Variants in KCNJ6 observed in about 807,000 individuals in gnomAD.
The protein encoded by KCNJ6 is potassium inwardly rectifying channel subfamily J member 6.
KCNJ6 carries 9 observed loss-of-function variants against 34.2 expected under a neutral mutation model. The observed-to-expected ratio is 0.26, with a 90% CI of 0.16 to 0.46. The LOEUF (loss-of-function observed/expected upper bound fraction) is 0.46, where lower values mean the gene tolerates loss of function less well. KCNJ6 is among the 20% of genes least tolerant of loss of function. The pLI, the probability that KCNJ6 is intolerant of heterozygous loss-of-function variation, is 1.00. For missense variants in KCNJ6, 236 were observed against 531.3 expected (o/e 0.44, Z 5.46); for synonymous variants, 196 against 207.1 (o/e 0.95, Z 0.46).
At chr21:37,682,362 C>T (rs955583807) in intron 3 of KCNJ6, among the ~76,000 whole-genome samples, 25 of 152,156 alleles carry the variant, frequency 1.6e-4, no homozygotes, top group African/African-American at 4.8e-4. Flanking sequence ...GCCGAGCCAG[C>T]AGGGTCAAAG....
intron 3 of KCNJ6, among the ~76,000 whole-genome samples, chr21:37,645,829 T>C (rs1400148306): frequency 6.6e-6 from 1 of 152,148 alleles, no homozygotes; most frequent in Non-Finnish European, 1.5e-5. Flanking sequence ...ATTTTTACTA[T>C]TAGAGCTGTC....
chr21:37,817,679 T>A (rs1002436086), intron 2 of KCNJ6, among the ~76,000 whole-genome samples: 1 of 152,210 alleles, frequency 6.6e-6, no homozygotes, highest in African/African-American at 2.4e-5. Context: ...AGCACCCTCA[T>A]CCTGGTTCAG....
intron 3 of KCNJ6, among the ~76,000 whole-genome samples, chr21:37,681,412 C>T (rs775698760): frequency 3.9e-5 from 6 of 152,236 alleles, no homozygotes; most frequent in Non-Finnish European, 8.8e-5. Flanking sequence ...ATGTGCTCTT[C>T]TCTTTTTCTT....
At chr21:37,803,878 T>C (rs1359215738) in intron 2 of KCNJ6, among the ~76,000 whole-genome samples, 1 of 152,168 alleles carries the variant, frequency 6.6e-6, no homozygotes, top group African/African-American at 2.4e-5. Flanking sequence ...CCAGGGACAC[T>C]GGATAGAGGG....
chr21:37,895,709 A>G (rs2836041), intron 1 of KCNJ6, among the ~76,000 whole-genome samples: 24,998 of 152,188 alleles, frequency 0.16, 2,691 homozygotes, highest in East Asian at 0.57. Flanking sequence ...AAGGTACCCC[A>G]ATCAGGGAGG....
chr21:37,753,218 G>A lies in KCNJ6; in HGVS notation c.26-38087C>T, dbSNP rs2055005465. 2.0e-5 allele frequency among the ~76,000 whole-genome samples: 3 copies of A among 152,202 alleles called. No homozygotes were observed. In the South Asian group the frequency reaches 6.2e-4, roughly 32 times the overall value. On this transcript the variant is annotated intron_variant, in intron 2 of 3. Transcript: ENST00000609713. ...CTGCAGGGGTTTCTGGATGCCTAGA[G>A]TGACCAGAAGCACGGATTGAACCTG...
intron 3 of KCNJ6, among the ~76,000 whole-genome samples, chr21:37,711,055 G>C (rs1428650209): frequency 6.6e-6 from 1 of 152,220 alleles, no homozygotes. Flanking sequence ...GTTCTGCGTG[G>C]GCATGGGTCT....
At chr21:37,671,836 C>T (rs113406620) in intron 3 of KCNJ6, among the ~76,000 whole-genome samples, 23 of 152,290 alleles carry the variant, frequency 1.5e-4, no homozygotes, top group African/African-American at 4.8e-4. Context: ...GAGTATAGTA[C>T]GAGATGCGGA....
chr21:37,766,992 T>C (rs1419377066), intron 2 of KCNJ6, among the ~76,000 whole-genome samples: 1 of 152,212 alleles, frequency 6.6e-6, no homozygotes, highest in East Asian at 1.9e-4. Context: ...TCCCCTGATC[T>C]GTGGAAAAAT....
At chr21:37,671,053 A>G (rs1459696253) in intron 3 of KCNJ6, among the ~76,000 whole-genome samples, 1 of 152,194 alleles carries the variant, frequency 6.6e-6, no homozygotes, top group Admixed American at 6.5e-5. Context: ...CCTGATACAT[A>G]GCTCCTAAAA....
intron 3 of KCNJ6, among the ~76,000 whole-genome samples, chr21:37,690,387 CTT>C (rs553986937): frequency 2.0e-4 from 31 of 152,330 alleles, no homozygotes; most frequent in African/African-American, 7.0e-4. Flanking sequence ...TACCATAAGA[CTT>C]GCAATAAACT....
At chr21:37,651,522 G>C (rs1042936799) in intron 3 of KCNJ6, among the ~76,000 whole-genome samples, 1 of 152,178 alleles carries the variant, frequency 6.6e-6, no homozygotes, top group Non-Finnish European at 1.5e-5. Context: ...GATGATGGCG[G>C]GTAGATTGGA....
At chr21:37,661,797 TA>T (rs1284126475) in intron 3 of KCNJ6, among the ~76,000 whole-genome samples, 4 of 6,756 alleles carry the variant, frequency 5.9e-4, no homozygotes, top group African/African-American at 3.5e-3. Context: ...TAATTTTTTC[TA>T]TTTTTTTTTT....
intron 1 of KCNJ6, among the ~76,000 whole-genome samples, chr21:37,842,789 G>A (rs908692559): frequency 6.6e-6 from 1 of 152,180 alleles, no homozygotes; most frequent in Non-Finnish European, 1.5e-5. Context: ...TGACCCCAGC[G>A]GGTTGTGACA....
intron 2 of KCNJ6, among the ~76,000 whole-genome samples, chr21:37,781,704 A>G (rs1357869646): frequency 1.3e-5 from 2 of 152,182 alleles, no homozygotes; most frequent in African/African-American, 4.8e-5. Context: ...CCGATACTAG[A>G]AAGAGTAAGT....
At chr21:37,677,519 C>T (rs1009392332) in intron 3 of KCNJ6, among the ~76,000 whole-genome samples, 2 of 151,916 alleles carry the variant, frequency 1.3e-5, no homozygotes, top group African/African-American at 4.8e-5. Flanking sequence ...CTTCTTCCTC[C>T]CTTTTTGTTG....
chr21:37,742,848 C>T (rs552581108), intron 2 of KCNJ6, among the ~76,000 whole-genome samples: 1 of 152,352 alleles, frequency 6.6e-6, no homozygotes, highest in South Asian at 2.1e-4. Flanking sequence ...CTCTGGGCCA[C>T]TGATGATGTG....
At chr21:37,637,407 G>A (rs1410476526) in intron 3 of KCNJ6, among the ~76,000 whole-genome samples, 3 of 152,160 alleles carry the variant, frequency 2.0e-5, no homozygotes, top group African/African-American at 7.2e-5. Context: ...TTTTAAAAAT[G>A]TCTAAAAAAG....
In KCNJ6 at chr21:37,614,334, C is replaced by G. The variant is rs1298508137; in HGVS notation, c.*10825G>C. ...CTGGAAATTTACTTTTGTGGTGTCA[C>G]TCATAACTGATTGGAAAGGATAAGA... On this transcript the variant is annotated 3_prime_UTR_variant, in exon 4 of 4. Coordinates refer to ENST00000609713, the MANE Select transcript of KCNJ6 (RefSeq NM_002240.5). 6.6e-6 allele frequency: 1 copy of G among 151,796 alleles called. No homozygotes were observed. The highest frequency in any genetic ancestry group is 1.9e-4 in the East Asian group (1 of 5,178). The allele number at this position is 151,796 out of a possible 1,614,324, so 9.4% of individuals were successfully genotyped here.
Sources: gnomAD v4.1 joint callset for allele counts (sites outside exome capture counted in the v4.1 genomes callset) on GRCh38, gnomAD v4.1.1 for gene constraint, MANE v1.5 for transcripts, NCBI Gene and HGNC (gene_info 2026-07-23, HGNC 2026-07-21) for gene names.